SLC6A13: variants seen among roughly 807,000 people sequenced by gnomAD.
SLC6A13 encodes the protein sodium- and chloride-dependent GABA transporter 2.
SLC6A13 carries 69 observed loss-of-function variants against 72.9 expected under a neutral mutation model. The observed-to-expected ratio is 0.95, with a 90% CI of 0.78 to 1.16. The LOEUF is 1.16. Among genes scored for constraint, SLC6A13 ranks in the 50% most tolerant of loss-of-function variants. SLC6A13 has a pLI of 0.00. For synonymous variants in SLC6A13, 303 were observed against 303.0 expected (o/e 1.00, Z 0.00); for missense variants, 735 against 760.5 (o/e 0.97, Z 0.39).
At chr12:232,605 T>A (rs1384253946) in intron 7 of SLC6A13, among the ~76,000 whole-genome samples, 1 of 152,222 alleles carries the variant, frequency 6.6e-6, no homozygotes, top group Non-Finnish European at 1.5e-5. Context: ...GGACCCTGGT[T>A]GTGCTTCTAC....
intron 13 of SLC6A13, among the ~76,000 whole-genome samples, chr12:222,314 G>A (rs974571894): frequency 6.6e-5 from 10 of 152,188 alleles, no homozygotes; most frequent in East Asian, 1.9e-4. Flanking sequence ...TGGTCAAACC[G>A]TCTGACAGCT....
intron 2 of SLC6A13, among the ~76,000 whole-genome samples, chr12:252,640 C>T (rs928565703): frequency 1.3e-5 from 2 of 152,146 alleles, no homozygotes; most frequent in African/African-American, 4.8e-5. Context: ...CAAAGAAGTC[C>T]ATAAATCAAC....
intron 7 of SLC6A13, among the ~76,000 whole-genome samples, chr12:230,696 A>G (rs1254010745): frequency 6.6e-6 from 1 of 152,176 alleles, no homozygotes; most frequent in Non-Finnish European, 1.5e-5. Context: ...GATAAAACCC[A>G]CGCTCCCCCA....
At chr12:253,785 G>A (rs1942641313) in intron 2 of SLC6A13, 1 of 152,492 alleles carries the variant, frequency 6.6e-6, no homozygotes, top group Non-Finnish European at 1.5e-5. Context: ...AGAGGAGTTG[G>A]AGGGGACAGG....
intron 7 of SLC6A13, among the ~76,000 whole-genome samples, chr12:228,195 GA>G (rs1941547472): frequency 2.0e-5 from 3 of 152,110 alleles, no homozygotes; most frequent in African/African-American, 4.8e-5. Flanking sequence ...AAACACCTCT[GA>G]AAAGGGCTTT....
intron 13 of SLC6A13, among the ~76,000 whole-genome samples, chr12:221,861 G>T (rs907316307): frequency 3.3e-5 from 5 of 152,182 alleles, no homozygotes; most frequent in African/African-American, 9.7e-5. Context: ...GTGAGTTTGG[G>T]GTATGAGTAC....
chr12:224,283 C>A, intron 10 of SLC6A13, 118 bp downstream of exon 10: 1 of 1,329,282 alleles, frequency 7.5e-7, no homozygotes, highest in Non-Finnish European at 1.1e-6. Context: ...CAGGACTCAC[C>A]CTCAAGCTCC....
intron 5 of SLC6A13, 144 bp downstream of exon 5, chr12:237,782 C>G (rs547249831): frequency 1.1e-5 from 7 of 660,498 alleles, no homozygotes; most frequent in South Asian, 9.3e-5. Flanking sequence ...CTGCAATAAC[C>G]ACAAACATAG....
Position 256,275 on chromosome 12 carries a change from G to A in SLC6A13, c.202+3576C>T, listed in dbSNP as rs555723361. ...TAGAACAGTTCCTGGCTTTTGCTAC[G>A]TGCTCAGTAAGTATTTGCTGGTGAA... On this transcript the variant is annotated intron_variant, in intron 2 of 14. Coordinates refer to ENST00000343164, the MANE Select transcript of SLC6A13 (RefSeq NM_016615.5). 1.1e-4 allele frequency among the ~76,000 whole-genome samples: 17 copies of A among 152,202 alleles called. No homozygotes were observed. The South Asian group carries it at 3.3e-3, about 30-fold the overall frequency.
intron 3 of SLC6A13, 97 bp downstream of exon 3, chr12:243,582 C>T: frequency 7.9e-7 from 1 of 1,259,102 alleles, no homozygotes; most frequent in South Asian, 1.5e-5. Flanking sequence ...GGGATCTTAT[C>T]TTAACCTCAG....
At chr12:244,192 C>T (rs561658) in intron 2 of SLC6A13, among the ~76,000 whole-genome samples, 128,485 of 152,214 alleles carry the variant, frequency 0.84, 54,610 homozygotes, top group Non-Finnish European at 0.91. Flanking sequence ...TTGCTCTTAA[C>T]GTCAGGTAGT....
chr12:223,821 G>A (rs1941320995), intron 11 of SLC6A13, 171 bp downstream of exon 11: 2 of 692,792 alleles, frequency 2.9e-6, no homozygotes, highest in Non-Finnish European at 4.8e-6. Context: ...AAGGCCAGAG[G>A]AGGGACCTGC....
chr12:243,782 G>T lies in SLC6A13; in HGVS notation c.234C>A (p.Leu78=), dbSNP rs755139719. ...GGAAGACAGGAATGCCACAGGTAAAGAGGAAGACGAGGTAGGGGATGAAGA... is the reference window on the plus strand; with the variant it reads ...GGAAGACAGGAATGCCACAGGTAAATAGGAAGACGAGGTAGGGGATGAAGA... ...GAFFIPYLVF[L]FTCGIPVFLL... The change falls in exon 3 of 15, where the codon CTC becomes CTA. Residue 78 remains leucine (L), a synonymous_variant. Coordinates refer to ENST00000343164, the MANE Select transcript of SLC6A13 (RefSeq NM_016615.5). The T allele has an allele frequency of 3.7e-6, 6 of 1,614,190 alleles. No homozygotes were observed. The African/African-American group carries it at 6.7e-5, about 18-fold the overall frequency.
At chr12:225,777 T>TA (rs1399791392) in intron 9 of SLC6A13, among the ~76,000 whole-genome samples, 1 of 152,070 alleles carries the variant, frequency 6.6e-6, no homozygotes, top group Non-Finnish European at 1.5e-5. Flanking sequence ...AATGCCAAGG[T>TA]AAAAAAATCA....
chr12:235,215 A>G lies in SLC6A13; in HGVS notation c.706T>C (p.Phe236Leu). The change falls in exon 7 of 15, where the codon TTC becomes CTC. Residue 236 changes from phenylalanine to leucine, a missense_variant. Phe to Leu is a conservative substitution (Grantham distance 22). Coordinates refer to ENST00000343164, the MANE Select transcript of SLC6A13 (RefSeq NM_016615.5). The stretch of plus-strand genomic sequence containing the variant: ...ATGAGGTAAGGAAATGTGGCCGTGA[A>G]GTACACCACCTGGTCATGGGCAAAT... The part of the protein sequence containing the change: ...GVKSTGKVVY[F>L]TATFPYLMLV... 1 of 1,614,224 alleles carries G rather than the reference A, an allele frequency of 6.2e-7. No individual in the cohort carries two copies. Among genetic ancestry groups the G allele is most frequent in the Non-Finnish European group, 8.5e-7 (1 of 1,180,012 alleles).
chr12:237,577 T>C (rs954887310), intron 5 of SLC6A13, among the ~76,000 whole-genome samples: 6 of 151,802 alleles, frequency 4.0e-5, no homozygotes, highest in Non-Finnish European at 8.8e-5. Context: ...ACAGCAGGAC[T>C]CTTGCCCTGG....
At chr12:244,557 G>A (rs1683097704) in intron 2 of SLC6A13, among the ~76,000 whole-genome samples, 1 of 152,156 alleles carries the variant, frequency 6.6e-6, no homozygotes, top group African/African-American at 2.4e-5. Context: ...GGGCATGGCT[G>A]TGTGTGCCTG....
At chr12:248,909 A>C (rs1342409876) in intron 2 of SLC6A13, among the ~76,000 whole-genome samples, 1 of 152,218 alleles carries the variant, frequency 6.6e-6, no homozygotes, top group Non-Finnish European at 1.5e-5. Flanking sequence ...AATCTCAGTA[A>C]GTTTAAAAGC....
chr12:233,836 C>A (rs1941816313), intron 7 of SLC6A13, among the ~76,000 whole-genome samples: 1 of 152,056 alleles, frequency 6.6e-6, no homozygotes, highest in South Asian at 2.1e-4. Flanking sequence ...ACCTTATGAC[C>A]ACAAACAGCT....
Sources: allele counts gnomAD v4.1 joint callset (sites outside exome capture counted in the v4.1 genomes callset), GRCh38; gene constraint gnomAD v4.1.1; transcripts MANE v1.5; gene names NCBI Gene and HGNC (gene_info 2026-07-23, HGNC 2026-07-21).